Variants in CADPS observed in about 807,000 individuals in gnomAD.
CADPS encodes the protein calcium dependent secretion activator.
In CADPS, 57 loss-of-function variants were observed where a neutral mutation model predicts 167.3. The ratio of observed to expected loss-of-function variants is 0.34; its 90% CI spans 0.28 to 0.42. CADPS has a LOEUF of 0.42. Ranked by LOEUF, CADPS falls within the 20% of genes least tolerant of loss-of-function variation. The pLI is 1.00. For missense variants in CADPS, 1,414 were observed against 1,738.1 expected (o/e 0.81, Z 3.32); for synonymous variants, 676 against 635.3 (o/e 1.06, Z -0.96).
rs762018949 is a variant in CADPS at position 62,492,327 on chromosome 3, T to G, written c.2847A>C (p.Pro949=). The stretch of plus-strand genomic sequence containing the variant: ...GAAAATCATTCAGCAGCTGAAATAG[T>G]GGAAAACTGTCCCATGTGTCTGGAG... ...VQPPDTWDSF[P]LFQLLNDFLR... The change falls in exon 20 of 30, where the codon CCA becomes CCC. Residue 949 remains proline, a synonymous_variant. Transcript: ENST00000383710. 1 of 1,614,056 alleles carries G rather than the reference T, an allele frequency of 6.2e-7. No individual in the cohort carries two copies. The highest frequency in any genetic ancestry group is 2.2e-5 in the East Asian group (1 of 44,872).
chr3:62,673,259 G>T (rs1291300782), intron 3 of CADPS, among the ~76,000 whole-genome samples: 1 of 152,202 alleles, frequency 6.6e-6, no homozygotes, highest in Non-Finnish European at 1.5e-5. Context: ...GAGTTAAGGT[G>T]ATGTTTTTCC....
intron 6 of CADPS, among the ~76,000 whole-genome samples, chr3:62,639,369 G>C (rs904184280): frequency 1.3e-5 from 2 of 152,134 alleles, no homozygotes; most frequent in African/African-American, 2.4e-5. Context: ...GTGAACTTGA[G>C]CATGGAGTGT....
At chr3:62,583,634 A>C (rs1350088916) in intron 8 of CADPS, among the ~76,000 whole-genome samples, 5 of 152,188 alleles carry the variant, frequency 3.3e-5, no homozygotes, top group Non-Finnish European at 5.9e-5. Flanking sequence ...AATGCAAAGC[A>C]AATTCTCTAA....
At chr3:62,559,455 C>T (rs1010094088) in intron 9 of CADPS, among the ~76,000 whole-genome samples, 3 of 151,908 alleles carry the variant, frequency 2.0e-5, no homozygotes, top group Non-Finnish European at 4.4e-5. Flanking sequence ...TGACCCTCTG[C>T]ATGACAATGA....
chr3:62,508,864 C>CT lies in CADPS; in HGVS notation c.2599+3886dup, dbSNP rs1553852042. ...GGTTCACAGCATATTTTAACACATC[C>CT]TTTTTTTTCCCAAAATCTTTCTTGG... is the stretch of plus-strand genomic sequence containing the variant. On this transcript the variant is annotated intron_variant, in intron 17 of 29. Coordinates refer to ENST00000383710, the MANE Select transcript of CADPS (RefSeq NM_003716.4). Among the ~76,000 whole-genome samples, 17 of 151,990 alleles carry CT rather than the reference C, an allele frequency of 1.1e-4. No individual in the cohort carries two copies. In the East Asian group the frequency reaches 3.3e-3, roughly 29 times the overall value.
chr3:62,567,196 G>A (rs773070796), intron 9 of CADPS, among the ~76,000 whole-genome samples: 1 of 151,986 alleles, frequency 6.6e-6, no homozygotes, highest in African/African-American at 2.4e-5. Context: ...CAAAATAAGA[G>A]GTCATCTACT....
intron 26 of CADPS, among the ~76,000 whole-genome samples, chr3:62,464,045 T>G (rs547549594): frequency 3.9e-5 from 6 of 152,204 alleles, no homozygotes; most frequent in Non-Finnish European, 7.3e-5. Flanking sequence ...TTTACAATAA[T>G]CATATTAGTT....
chr3:62,854,344 G>T (rs977057521), intron 1 of CADPS, among the ~76,000 whole-genome samples: 8 of 152,164 alleles, frequency 5.3e-5, no homozygotes, highest in African/African-American at 1.4e-4. Context: ...CAATGTATCT[G>T]GTGGCAGGAA....
At chr3:62,467,328 T>C in intron 24 of CADPS, 6 of 1,257,840 alleles carry the variant, frequency 4.8e-6, no homozygotes, top group Non-Finnish European at 6.2e-6. Context: ...AGAAGGATGA[T>C]TAATTAGGAA....
chr3:62,847,198 C>CT (rs1034376173), intron 1 of CADPS, among the ~76,000 whole-genome samples: 2 of 149,830 alleles, frequency 1.3e-5, no homozygotes, highest in African/African-American at 4.9e-5. Context: ...ATAAACTTTG[C>CT]TTTTTGACAT....
intron 6 of CADPS, among the ~76,000 whole-genome samples, chr3:62,635,008 A>T (rs1201785395): frequency 1.3e-5 from 2 of 152,184 alleles, no homozygotes; most frequent in African/African-American, 4.8e-5. Flanking sequence ...TGAGATCTGC[A>T]TTGGACGCTT....
At chr3:62,504,448 C>T (rs1287830866) in intron 17 of CADPS, among the ~76,000 whole-genome samples, 3 of 152,224 alleles carry the variant, frequency 2.0e-5, no homozygotes, top group South Asian at 2.1e-4. Flanking sequence ...CTCATTCTCA[C>T]CCAGTTAACT....
chr3:62,597,976 A>G (rs2059161523), intron 6 of CADPS, among the ~76,000 whole-genome samples: 1 of 152,178 alleles, frequency 6.6e-6, no homozygotes. Context: ...CTCCTTGTTA[A>G]AAAAACAGCA....
chr3:62,649,869 C>T (rs77188831), intron 5 of CADPS, among the ~76,000 whole-genome samples: 11,484 of 151,846 alleles, frequency 0.076, 460 homozygotes, highest in East Asian at 0.15. Context: ...TTTCACCAGG[C>T]GTATTTTTGA....
chr3:62,497,704 T>C (rs530992188), intron 18 of CADPS, among the ~76,000 whole-genome samples: 2 of 152,340 alleles, frequency 1.3e-5, no homozygotes, highest in Admixed American at 6.5e-5. Context: ...AATTCTTCAG[T>C]ACTCTCTCTA....
chr3:62,699,731 G>A (rs1042145930), intron 3 of CADPS, among the ~76,000 whole-genome samples: 1 of 151,974 alleles, frequency 6.6e-6, no homozygotes, highest in Non-Finnish European at 1.5e-5. Context: ...ACCACACCCG[G>A]CTAATTTTTG....
Position 62,753,745 on chromosome 3 carries a change from C to G in CADPS, c.584G>C (p.Arg195Pro). 1 of 1,613,498 alleles carries G rather than the reference C, an allele frequency of 6.2e-7. No individual in the cohort carries two copies. ...EVFLKSDRVA[R>P]MVQSGGCSAN... is the part of the protein sequence containing the mutation. ...GGAACAGCCTCCACTCTGAACCATG[C>G]GGGCCACACGGTCGCTCTTCAGGAA... The change falls in exon 3 of 30, where the codon CGC (arginine) becomes CCC (proline). Residue 195 changes from arginine (R) to proline (P), a missense_variant. Coordinates refer to ENST00000383710, the MANE Select transcript of CADPS (RefSeq NM_003716.4). The surrounding 1 kb of genome is among the most constrained non-coding windows in gnomAD (Gnocchi z 4.6).
Position 62,510,445 on chromosome 3 carries a change from G to T in CADPS, c.2599+2306C>A, listed in dbSNP as rs2067568811. 1.3e-5 allele frequency among the ~76,000 whole-genome samples: 2 copies of T among 152,182 alleles called. 1 individual carries two copies. Among genetic ancestry groups the T allele is most frequent in the Middle Eastern group, 6.8e-3 (2 of 294 alleles). On this transcript the variant is annotated intron_variant, in intron 17 of 29. Transcript: ENST00000383710. ...GTGTAGACTTTCTCAGAGCTTGCTG[G>T]GTTCAGAATGTGTGACGGTTTACAT...
chr3:62,484,143 T>G (rs763234497), intron 21 of CADPS, among the ~76,000 whole-genome samples: 8 of 152,158 alleles, frequency 5.3e-5, no homozygotes, highest in Non-Finnish European at 7.4e-5. Flanking sequence ...ATAGAAACAT[T>G]TCCTTCTCTT....
Sources: allele counts gnomAD v4.1 joint callset (sites outside exome capture counted in the v4.1 genomes callset), GRCh38; gene constraint gnomAD v4.1.1; non-coding constraint Gnocchi (gnomAD v3.1); transcripts MANE v1.5; gene names NCBI Gene and HGNC (gene_info 2026-07-23, HGNC 2026-07-21).